The following ADGRG6 variants were observed in gnomAD, a reference collection of about 807,000 sequenced individuals.
ADGRG6 encodes the protein G-protein coupled receptor 126.
A neutral mutation model predicts 142.4 loss-of-function variants in ADGRG6; 84 were observed. That is an observed-to-expected ratio of 0.59 (90% CI 0.49 to 0.71). The LOEUF is 0.71. Among genes scored for constraint, ADGRG6 ranks in the 30% least tolerant of loss-of-function variants. The pLI, the probability that ADGRG6 is intolerant of heterozygous loss-of-function variation, is 0.00. For missense variants in ADGRG6, 1,367 were observed against 1,466.6 expected (o/e 0.93, Z 1.11); for synonymous variants, 521 against 520.5 (o/e 1.00, Z -0.01).
intron 5 of ADGRG6, 51 bp from the exon 6 acceptor site, chr6:142,383,709 A>G: frequency 2.4e-6 from 2 of 837,760 alleles, no homozygotes; most frequent in Non-Finnish European, 4.1e-6. Context: ...TATCCAAATT[A>G]ACTGTCATGT....
intron 6 of ADGRG6, among the ~76,000 whole-genome samples, 188 bp downstream of exon 6, chr6:142,384,031 A>G (rs1781905520): frequency 6.6e-6 from 1 of 152,146 alleles, no homozygotes; most frequent in African/African-American, 2.4e-5. Context: ...TCTTATGACG[A>G]GTGGAATGAG....
chr6:142,303,559 G>A (rs1412052283), intron 1 of ADGRG6, among the ~76,000 whole-genome samples: 1 of 152,162 alleles, frequency 6.6e-6, no homozygotes, highest in Admixed American at 6.5e-5. Context: ...TTATGCCAGT[G>A]GAATCGGCAA....
At chr6:142,309,725 G>T in intron 2 of ADGRG6, 81 bp downstream of exon 2, 3 of 870,028 alleles carry the variant, frequency 3.4e-6, no homozygotes, top group South Asian at 2.1e-5. Context: ...TATTTATGTT[G>T]CCTTACTTTT....
chr6:142,418,538 T>G (rs1776486136), intron 21 of ADGRG6, among the ~76,000 whole-genome samples: 1 of 152,100 alleles, frequency 6.6e-6, no homozygotes, highest in African/African-American at 2.4e-5. Flanking sequence ...TATAACAACA[T>G]ACATTAAAAG....
intron 23 of ADGRG6, chr6:142,437,909 A>C (rs915774102): frequency 1.9e-5 from 5 of 259,162 alleles, no homozygotes; most frequent in East Asian, 7.3e-5. Context: ...AAAAAAAAAA[A>C]CTGAAAAAAC....
chr6:142,393,693 A>G (rs566884477), intron 8 of ADGRG6, among the ~76,000 whole-genome samples: 1 of 152,278 alleles, frequency 6.6e-6, no homozygotes, highest in African/African-American at 2.4e-5. Flanking sequence ...CTTTAGTGTA[A>G]TAATATGAAT....
At chr6:142,384,189 T>C (rs1781913417) in intron 6 of ADGRG6, among the ~76,000 whole-genome samples, 1 of 152,094 alleles carries the variant, frequency 6.6e-6, no homozygotes. Context: ...TGTCAGATTA[T>C]TTGCTGCAGG....
chr6:142,409,233 C>T (rs1354914848), intron 16 of ADGRG6, among the ~76,000 whole-genome samples: 2 of 152,128 alleles, frequency 1.3e-5, no homozygotes, highest in Non-Finnish European at 2.9e-5. Flanking sequence ...TTTCACTACT[C>T]TAAGTACCTC....
intron 17 of ADGRG6, among the ~76,000 whole-genome samples, chr6:142,410,455 A>C (rs1289272478): frequency 6.6e-6 from 1 of 151,094 alleles, no homozygotes; most frequent in African/African-American, 2.5e-5. Context: ...GGAAGGCAAA[A>C]TTAAGGGATG....
intron 15 of ADGRG6, among the ~76,000 whole-genome samples, chr6:142,407,280 G>A (rs1287060331): frequency 2.0e-5 from 3 of 151,634 alleles, no homozygotes; most frequent in African/African-American, 7.3e-5. Context: ...TAGAGGGCAA[G>A]GTACGATGGT....
At chr6:142,396,533 A>G (rs1775205051) in intron 9 of ADGRG6, among the ~76,000 whole-genome samples, 1 of 152,190 alleles carries the variant, frequency 6.6e-6, no homozygotes, top group Admixed American at 6.5e-5. Context: ...CACCACAAAT[A>G]AATTACTACT....
chr6:142,370,906 A>T, intron 4 of ADGRG6, 113 bp downstream of exon 4: 1 of 974,394 alleles, frequency 1.0e-6, no homozygotes, highest in Non-Finnish European at 1.5e-6. Flanking sequence ...ATATTCACAC[A>T]TATAGACATA....
chr6:142,367,820 T>C lies in ADGRG6; in HGVS notation c.355T>C (p.Ser119Pro). ...TTGTGGAGCAACTGCCAAAGGCCTA[T>C]CATTTAACTCAAGTGCGAATGAGAT... is the stretch of plus-strand genomic sequence containing the variant. The part of the protein sequence containing the change: ...KFCGATAKGL[S>P]FNSSANEMHV... The change falls in exon 3 of 25, where the codon TCA becomes CCA. Residue 119 changes from serine (S) to proline (P), a missense_variant. Physicochemically the swap from Ser to Pro is moderately conservative, Grantham distance 74. Transcript: ENST00000367609. The C allele has an allele frequency of 6.2e-7, 1 of 1,613,888 alleles. No individual in the cohort carries two copies. The highest frequency in any genetic ancestry group is 8.5e-7 in the Non-Finnish European group (1 of 1,179,778).
At chr6:142,418,021 G>A (rs569610898) in intron 21 of ADGRG6, among the ~76,000 whole-genome samples, 26 of 152,066 alleles carry the variant, frequency 1.7e-4, no homozygotes, top group Admixed American at 4.6e-4. Flanking sequence ...TCGGCTGGGC[G>A]CAGTGGCTTA....
intron 2 of ADGRG6, among the ~76,000 whole-genome samples, chr6:142,324,497 C>G (rs1354622447): frequency 6.6e-6 from 1 of 152,138 alleles, no homozygotes; most frequent in Non-Finnish European, 1.5e-5. Context: ...AAACTCCATT[C>G]TCCGTCATTG....
intron 19 of ADGRG6, 28 bp downstream of exon 19, chr6:142,415,124 C>T: frequency 1.9e-6 from 3 of 1,586,960 alleles, no homozygotes; most frequent in Non-Finnish European, 1.7e-6. Context: ...CTGCCAAACC[C>T]ATTGCTAACT....
chr6:142,319,587 C>A (rs1390149220), intron 2 of ADGRG6, among the ~76,000 whole-genome samples: 1 of 152,124 alleles, frequency 6.6e-6, no homozygotes, highest in East Asian at 1.9e-4. Flanking sequence ...TCATTTAAAT[C>A]AGATTTACCA....
At chr6:142,391,434 T>TACACACAC (rs35253608) in intron 7 of ADGRG6, among the ~76,000 whole-genome samples, 139 of 132,462 alleles carry the variant, frequency 1.0e-3, no homozygotes, top group Middle Eastern at 3.8e-3. Context: ...AAGTGGTAGC[T>TACACACAC]ACACACACAC....
intron 24 of ADGRG6, among the ~76,000 whole-genome samples, chr6:142,441,399 T>G (rs1283110625): frequency 6.6e-6 from 1 of 152,190 alleles, no homozygotes; most frequent in Non-Finnish European, 1.5e-5. Flanking sequence ...GCTTGAAATT[T>G]CAGCATAGGT....
Sources: allele counts gnomAD v4.1 joint callset (sites outside exome capture counted in the v4.1 genomes callset), GRCh38; gene constraint gnomAD v4.1.1; transcripts MANE v1.5; gene names NCBI Gene and HGNC (gene_info 2026-07-23, HGNC 2026-07-21).